TUNAR: variants seen among roughly 807,000 people sequenced by gnomAD.
TUNAR encodes the protein protein TUNAR.
intron 2 of TUNAR, among the ~76,000 whole-genome samples, chr14:95,889,959 C>T (rs75778476): frequency 1.1e-5 from 1 of 92,202 alleles, no homozygotes; most frequent in African/African-American, 3.8e-5. Context: ...GACACAAAGA[C>T]AAAAAAAAAA....
At chr14:95,905,989 C>A (rs980181769) in intron 2 of TUNAR, among the ~76,000 whole-genome samples, 9 of 152,182 alleles carry the variant, frequency 5.9e-5, no homozygotes, top group African/African-American at 2.2e-4. Context: ...CCAGCTTTGG[C>A]CATTAGAAGT....
chr14:95,891,428 CT>C (rs1889179043), intron 2 of TUNAR, among the ~76,000 whole-genome samples: 2 of 152,310 alleles, frequency 1.3e-5, no homozygotes, highest in South Asian at 4.1e-4. Flanking sequence ...CATATAAGTT[CT>C]GTTTATAAAA....
chr14:95,899,642 A>G (rs1889318271), intron 2 of TUNAR, among the ~76,000 whole-genome samples: 1 of 152,060 alleles, frequency 6.6e-6, no homozygotes, highest in Non-Finnish European at 1.5e-5. Flanking sequence ...GTGCCTGGAG[A>G]GGGCCCACTC....
chr14:95,916,435 A>C (rs1889607432), intron 2 of TUNAR, among the ~76,000 whole-genome samples: 1 of 152,192 alleles, frequency 6.6e-6, no homozygotes. Context: ...CAATTCATCC[A>C]TGCGATGGCA....
intron 2 of TUNAR, among the ~76,000 whole-genome samples, chr14:95,907,565 A>G (rs1430397966): frequency 6.6e-6 from 1 of 152,182 alleles, no homozygotes; most frequent in African/African-American, 2.4e-5. Context: ...GCATCCAGGA[A>G]GAATGAGGTA....
chr14:95,914,150 G>C (rs1445692352), intron 2 of TUNAR, among the ~76,000 whole-genome samples: 1 of 152,214 alleles, frequency 6.6e-6, no homozygotes, highest in Non-Finnish European at 1.5e-5. Context: ...TGGAAACCTA[G>C]TCAAAAACTG....
Position 95,895,802 on chromosome 14 carries a change from C to T in TUNAR, c.12+18625C>T, listed in dbSNP as rs1889254009. The T allele has an allele frequency of 6.6e-6, 1 of 152,402 alleles. No individual in the cohort carries two copies. Among genetic ancestry groups the T allele is most frequent in the Non-Finnish European group, 1.5e-5 (1 of 68,166 alleles). The allele number at this position is 152,402 out of a possible 1,614,324, so 9.4% of individuals were successfully genotyped here. ...CTGGAACACTCTCCCGCTTCTCTTC[C>T]TCCTTCAGATCTCAGCCCGCTGTCG... On this transcript the variant is annotated intron_variant, in intron 2 of 2. Coordinates refer to ENST00000678517, the Ensembl canonical transcript of TUNAR. The surrounding 1 kb of genome is among the most constrained non-coding windows in gnomAD (Gnocchi z 4.5).
intron 2 of TUNAR, among the ~76,000 whole-genome samples, chr14:95,915,235 G>A (rs1407604204): frequency 6.6e-6 from 1 of 152,144 alleles, no homozygotes; most frequent in African/African-American, 2.4e-5. Context: ...GTAAGAAATG[G>A]GTTCCAACTG....
chr14:95,897,746 C>T lies in TUNAR; in HGVS notation c.12+20569C>T, dbSNP rs186392259. On this transcript the variant is annotated intron_variant, in intron 2 of 2. Transcript: ENST00000678517. ...TGGAACAGACTTGAGTGGGTTCTCC[C>T]GCCTACACAATGTCATTTGCTTGGA... Among the ~76,000 whole-genome samples, 55 of 152,332 alleles carry T rather than the reference C, an allele frequency of 3.6e-4. No individual in the cohort carries two copies. The South Asian group carries it at 4.4e-3, about 12-fold the overall frequency.
chr14:95,909,097 A>G (rs58449661), intron 2 of TUNAR, among the ~76,000 whole-genome samples: 5,267 of 152,206 alleles, frequency 0.035, 291 homozygotes, highest in African/African-American at 0.12. Context: ...CAAGTGAAAA[A>G]CGTGTTCTCG....
In TUNAR at chr14:95,895,252, C is replaced by T. The variant is rs1889243398; in HGVS notation, c.12+18075C>T. ...GCAGGAAGAACAGATGTGTCTAACCCAGGAGGAGAGCATGGGCCAGCGGGA... is the reference window on the plus strand; with the variant it reads ...GCAGGAAGAACAGATGTGTCTAACCTAGGAGGAGAGCATGGGCCAGCGGGA... On this transcript the variant is annotated intron_variant, in intron 2 of 2. Coordinates refer to ENST00000678517, the Ensembl canonical transcript of TUNAR. This position sits in a 1 kb window ranked among gnomAD's most constrained non-coding sequence, Gnocchi z 4.5. Among the ~76,000 whole-genome samples, 1 of 152,116 alleles carries T rather than the reference C, an allele frequency of 6.6e-6. No homozygotes were observed.
intron 2 of TUNAR, among the ~76,000 whole-genome samples, chr14:95,878,388 G>A (rs916258865): frequency 1.3e-5 from 2 of 152,208 alleles, no homozygotes; most frequent in Admixed American, 6.5e-5. Context: ...CCTGGTCTGA[G>A]GGGCTTGTTC....
intron 2 of TUNAR, among the ~76,000 whole-genome samples, chr14:95,915,835 G>C (rs569870595): frequency 6.6e-6 from 1 of 152,342 alleles, no homozygotes; most frequent in South Asian, 2.1e-4. Context: ...CTGGCTTGCT[G>C]GGAACTGTGC....
At chr14:95,922,790 G>T in exon 3 of TUNAR, 1 of 398,970 alleles carries the variant, frequency 2.5e-6, no homozygotes, top group East Asian at 3.6e-5. Context: ...GGTTAGCCTG[G>T]CAAGGAAGAT....
chr14:95,917,257 T>G (rs1365584697), intron 2 of TUNAR, among the ~76,000 whole-genome samples: 1 of 152,236 alleles, frequency 6.6e-6, no homozygotes, highest in Admixed American at 6.5e-5. Context: ...ATTTCATTTA[T>G]TTTTTCATAC....
intron 2 of TUNAR, among the ~76,000 whole-genome samples, chr14:95,877,851 A>G (rs1312976484): frequency 2.0e-5 from 3 of 152,134 alleles, no homozygotes; most frequent in Non-Finnish European, 4.4e-5. Context: ...CCAACCCCTA[A>G]TGTGTACTCT....
chr14:95,923,053 A>G (rs1048415197), exon 3 of TUNAR: 1 of 398,556 alleles, frequency 2.5e-6, no homozygotes. Flanking sequence ...CCCTGCGAGA[A>G]CAAGCAGGCT....
intron 2 of TUNAR, among the ~76,000 whole-genome samples, chr14:95,901,296 G>A (rs915866343): frequency 5.9e-5 from 9 of 152,254 alleles, no homozygotes; most frequent in Admixed American, 1.3e-4. Flanking sequence ...GAAACTAGTA[G>A]AGAAGGGAAT....
chr14:95,922,994 A>G (rs3811345), exon 3 of TUNAR: 54,641 of 399,020 alleles, frequency 0.14, 4,133 homozygotes, highest in South Asian at 0.27. Context: ...CAGAGGCCTC[A>G]GAATGGCCAA....
Sources: gnomAD v4.1 joint callset for allele counts (sites outside exome capture counted in the v4.1 genomes callset) on GRCh38, gnomAD v4.1.1 for gene constraint, Gnocchi (gnomAD v3.1) non-coding constraint, MANE v1.5 for transcripts, NCBI Gene and HGNC (gene_info 2026-07-23, HGNC 2026-07-21) for gene names.